Variants in NLGN1 observed in about 807,000 individuals in gnomAD.
The protein encoded by NLGN1 is neuroligin 1, also known as neuroligin-1.
NLGN1 carries 12 observed loss-of-function variants against 65.5 expected under a neutral mutation model. The observed-to-expected ratio is 0.18, with a 90% CI of 0.12 to 0.30. The LOEUF (loss-of-function observed/expected upper bound fraction) is 0.30, where lower values mean the gene tolerates loss of function less well. NLGN1 is among the 10% of genes least tolerant of loss of function. NLGN1 has a pLI of 1.00. For missense variants in NLGN1, 750 were observed against 1,007.1 expected (o/e 0.74, Z 3.46); for synonymous variants, 350 against 359.5 (o/e 0.97, Z 0.30).
chr3:174,278,358 T>A (rs1750970066), intron 5 of NLGN1, among the ~76,000 whole-genome samples: 1 of 151,930 alleles, frequency 6.6e-6, no homozygotes, highest in Admixed American at 6.6e-5. Flanking sequence ...CCCCAGTCAT[T>A]GTATGAGCCT....
At chr3:174,275,910 T>TCAAGA (rs1186668206) in intron 5 of NLGN1, among the ~76,000 whole-genome samples, 1 of 151,924 alleles carries the variant, frequency 6.6e-6, no homozygotes, top group Non-Finnish European at 1.5e-5. Context: ...TAATCTATTT[T>TCAAGA]CAAGACAATA....
chr3:173,609,984 A>G (rs1752035528), intron 3 of NLGN1, among the ~76,000 whole-genome samples: 1 of 151,894 alleles, frequency 6.6e-6, no homozygotes, highest in South Asian at 2.1e-4. Flanking sequence ...GGGGGAAAAG[A>G]GAGAGAGACA....
chr3:173,891,591 A>T (rs1052107522), intron 4 of NLGN1, among the ~76,000 whole-genome samples: 1 of 152,110 alleles, frequency 6.6e-6, no homozygotes, highest in African/African-American at 2.4e-5. Context: ...GCCATCCACA[A>T]ACCTTAAACT....
At chr3:173,410,736 A>G (rs1712364010) in intron 1 of NLGN1, among the ~76,000 whole-genome samples, 1 of 152,230 alleles carries the variant, frequency 6.6e-6, no homozygotes, top group South Asian at 2.1e-4. Flanking sequence ...AAATCTCTTA[A>G]TTACAAAGCA....
chr3:173,685,126 T>C (rs556264713), intron 3 of NLGN1, among the ~76,000 whole-genome samples: 1 of 152,296 alleles, frequency 6.6e-6, no homozygotes, highest in South Asian at 2.1e-4. Flanking sequence ...CATTTAATAA[T>C]GCATGGTTTG....
intron 3 of NLGN1, among the ~76,000 whole-genome samples, chr3:173,719,156 T>C (rs1478609703): frequency 6.6e-6 from 1 of 152,150 alleles, no homozygotes; most frequent in Non-Finnish European, 1.5e-5. Context: ...ATTGATTCTA[T>C]GAATATAAAT....
chr3:173,577,086 C>G (rs1229210272), intron 2 of NLGN1, among the ~76,000 whole-genome samples: 1 of 152,112 alleles, frequency 6.6e-6, no homozygotes, highest in Admixed American at 6.6e-5. Flanking sequence ...TATGAAGGAA[C>G]TTTAAAACTG....
At chr3:173,679,112 T>C (rs2149775900) in intron 3 of NLGN1, among the ~76,000 whole-genome samples, 1 of 149,864 alleles carries the variant, frequency 6.7e-6, no homozygotes, top group East Asian at 2.0e-4. Flanking sequence ...ATCTGTATTT[T>C]GCAGCCCCGA....
chr3:173,495,794 C>T (rs1209651134), intron 2 of NLGN1, among the ~76,000 whole-genome samples: 1 of 151,250 alleles, frequency 6.6e-6, no homozygotes, highest in Non-Finnish European at 1.5e-5. Flanking sequence ...ACAAATTTCT[C>T]TTGTACCCCA....
chr3:173,749,116 T>C (rs923633314), intron 3 of NLGN1, among the ~76,000 whole-genome samples: 4 of 152,116 alleles, frequency 2.6e-5, no homozygotes, highest in Non-Finnish European at 5.9e-5. Context: ...GAGAACCCTA[T>C]AATTTGATTA....
intron 1 of NLGN1, among the ~76,000 whole-genome samples, chr3:173,432,970 T>C (rs1717455774): frequency 6.6e-6 from 1 of 152,142 alleles, no homozygotes; most frequent in African/African-American, 2.4e-5. Context: ...ATCCAATTTA[T>C]ATCTCTTTAT....
At chr3:174,054,723 A>G (rs367913063) in intron 4 of NLGN1, among the ~76,000 whole-genome samples, 1 of 152,072 alleles carries the variant, frequency 6.6e-6, no homozygotes, top group African/African-American at 2.4e-5. Flanking sequence ...ATTCAAGGCC[A>G]TGATGATGAG....
chr3:173,538,297 C>T (rs912828884), intron 2 of NLGN1, among the ~76,000 whole-genome samples: 2 of 152,164 alleles, frequency 1.3e-5, no homozygotes, highest in African/African-American at 4.8e-5. Context: ...TTCCACCATT[C>T]TCTGAAACCA....
intron 2 of NLGN1, among the ~76,000 whole-genome samples, chr3:173,446,159 C>T (rs1720243116): frequency 6.6e-6 from 1 of 151,662 alleles, no homozygotes; most frequent in Non-Finnish European, 1.5e-5. Context: ...TGGTGTGCTG[C>T]ACCCATCAAC....
At chr3:174,258,041 G>T (rs1746138162) in intron 4 of NLGN1, among the ~76,000 whole-genome samples, 1 of 151,620 alleles carries the variant, frequency 6.6e-6, no homozygotes, top group East Asian at 1.9e-4. Context: ...TATATGAGAA[G>T]ACCATTCAAA....
At chr3:173,953,511 A>G (rs1748620926) in intron 4 of NLGN1, among the ~76,000 whole-genome samples, 1 of 152,080 alleles carries the variant, frequency 6.6e-6, no homozygotes. Flanking sequence ...GGACTGCCTG[A>G]GGCCATTTTA....
At chr3:173,869,713 C>CA (rs1730822430) in intron 4 of NLGN1, among the ~76,000 whole-genome samples, 1 of 152,090 alleles carries the variant, frequency 6.6e-6, no homozygotes, top group African/African-American at 2.4e-5. Flanking sequence ...ACACATAGCA[C>CA]AAAAGAAAGT....
rs186481527 is a variant in NLGN1 at position 173,846,649 on chromosome 3, G to C, written c.646+38817G>C. 3.9e-5 allele frequency among the ~76,000 whole-genome samples: 6 copies of C among 152,242 alleles called. No homozygotes were observed. The East Asian group carries it at 1.2e-3, about 29-fold the overall frequency. On this transcript the variant is annotated intron_variant, in intron 4 of 6. Coordinates refer to ENST00000457714, the Ensembl canonical transcript of NLGN1. ...ACAAATGTCTTGAATTGAACTGCAG[G>C]TCGTCCTTTTAGGAAGAGACAGATA... is the stretch of plus-strand genomic sequence containing the variant.
chr3:174,032,587 T>C (rs1323330120), intron 4 of NLGN1, among the ~76,000 whole-genome samples: 1 of 152,140 alleles, frequency 6.6e-6, no homozygotes, highest in Non-Finnish European at 1.5e-5. Context: ...TGTGGACTAC[T>C]GTGAGAGTGA....
Sources: allele counts gnomAD v4.1 joint callset (sites outside exome capture counted in the v4.1 genomes callset), GRCh38; gene constraint gnomAD v4.1.1; transcripts MANE v1.5; gene names NCBI Gene and HGNC (gene_info 2026-07-23, HGNC 2026-07-21).